The following MID2 variants were observed in gnomAD, a reference collection of about 807,000 sequenced individuals.
MID2 encodes the protein probable E3 ubiquitin-protein ligase MID2.
A neutral mutation model predicts 46.1 loss-of-function variants in MID2; 13 were observed. That is an observed-to-expected ratio of 0.28 (90% confidence interval 0.18 to 0.45). The LOEUF (loss-of-function observed/expected upper bound fraction) is 0.45. Among genes scored for constraint, MID2 ranks in the 20% least tolerant of loss-of-function variants. MID2 has a pLI of 1.00. For missense variants in MID2, 431 were observed against 575.4 expected, an observed-to-expected ratio of 0.75 and a Z score of 2.57; for synonymous variants, 199 against 212.3, an observed-to-expected ratio of 0.94 and a Z score of 0.55.
chrX:107,835,877 T>C (rs1439448541), intron 1 of MID2, among the ~76,000 whole-genome samples: 1 of 112,453 alleles, frequency 8.9e-6, no homozygotes, highest in African/African-American at 3.2e-5. Flanking sequence ...GTACCATTTA[T>C]GTATATTTTC....
intron 3 of MID2, among the ~76,000 whole-genome samples, chrX:107,900,513 T>C (rs1435194986): frequency 1.8e-5 from 2 of 111,174 alleles, no homozygotes; most frequent in Non-Finnish European, 3.8e-5. Context: ...AGTCCTCAGG[T>C]TTACTATTAC....
intron 5 of MID2, among the ~76,000 whole-genome samples, chrX:107,915,467 A>T: frequency 9.1e-6 from 1 of 109,560 alleles, no homozygotes; most frequent in Non-Finnish European, 1.9e-5. Flanking sequence ...AATTGCTTGA[A>T]CCTGGAAGGG....
intron 3 of MID2, among the ~76,000 whole-genome samples, chrX:107,873,191 T>A (rs950978885): frequency 9.0e-6 from 1 of 111,547 alleles, no homozygotes; most frequent in African/African-American, 3.3e-5. Context: ...TCAGAGACTT[T>A]CTCCGTCTGA....
rs762864763 is a variant in MID2, at chrX:107,828,268, A to T, written c.4+1838A>T. On this transcript the variant is annotated intron_variant, in intron 1 of 9. Transcript: ENST00000262843. ...TTCCTGTACAGCCTGCAGAACCATG[A>T]CCCAATTAAACCTCTTTTCTTTTCT... 2.5e-4 allele frequency among the ~76,000 whole-genome samples: 26 copies of T among 105,286 alleles called. No homozygotes were observed. The South Asian group carries it at 0.011, about 44-fold the overall frequency. The allele number at this position is 105,286 out of a possible 115,157, so 91.4% of individuals were successfully genotyped here. A position where few individuals can be genotyped will look rare whatever the true frequency, so the allele number is the denominator to read the frequency against.
At chrX:107,865,917 G>A (rs1931946045) in intron 3 of MID2, among the ~76,000 whole-genome samples, 1 of 112,806 alleles carries the variant, frequency 8.9e-6, no homozygotes, top group East Asian at 2.8e-4. Context: ...GCAGGTTTAC[G>A]AATGTCCAAA....
intron 3 of MID2, among the ~76,000 whole-genome samples, chrX:107,859,561 A>G (rs1931814669): frequency 8.9e-6 from 1 of 112,362 alleles, no homozygotes; most frequent in Non-Finnish European, 1.9e-5. Context: ...CTCAAGGAAC[A>G]CACAGACTGG....
intron 3 of MID2, 112 bp from the exon 4 acceptor site, chrX:107,903,846 T>C: frequency 3.9e-6 from 2 of 514,357 alleles, no homozygotes; most frequent in Non-Finnish European, 7.0e-6. Flanking sequence ...GTGGATCTTA[T>C]GAGGGAGGTA....
chrX:107,847,258 C>T (rs1931509867), intron 2 of MID2, among the ~76,000 whole-genome samples: 1 of 111,986 alleles, frequency 8.9e-6, no homozygotes, highest in Non-Finnish European at 1.9e-5. Context: ...GGCACAATCC[C>T]AGTCCTAAAG....
chrX:107,863,904 G>T (rs779811535), intron 3 of MID2, among the ~76,000 whole-genome samples: 25 of 112,145 alleles, frequency 2.2e-4, no homozygotes, highest in Non-Finnish European at 4.3e-4. Context: ...TTTGTTCTGG[G>T]CACTGTGCTA....
intron 8 of MID2, among the ~76,000 whole-genome samples, chrX:107,924,946 C>T (rs772458333): frequency 8.9e-6 from 1 of 112,336 alleles, no homozygotes; most frequent in African/African-American, 3.2e-5. Context: ...CTCACACATA[C>T]ACATAGGAAG....
At position 107,928,481 on chromosome X, in the gene MID2, G is replaced by A. The variant is rs1007623596; in HGVS notation, c.*1408G>A. Among the ~76,000 whole-genome samples, 1 of 110,703 alleles carries A rather than the reference G, an allele frequency of 9.0e-6. No homozygotes were observed. Among genetic ancestry groups the A allele is most frequent in the Non-Finnish European group, 1.9e-5 (1 of 52,825 alleles). On this transcript the variant is annotated 3_prime_UTR_variant, in exon 10 of 10. Coordinates refer to ENST00000262843, the MANE Select transcript of MID2 (RefSeq NM_012216.4). ...CTTTCCCCTTTCCAGGAGCTAAGTT[G>A]GCTTCGGAAGTCTTCTGGGATTTGT...
At chrX:107,837,504 A>G (rs1360556862) in intron 1 of MID2, among the ~76,000 whole-genome samples, 2 of 108,235 alleles carry the variant, frequency 1.8e-5, no homozygotes, top group Admixed American at 9.9e-5. Context: ...AGAGAGACAG[A>G]GAGAGATAAA....
chrX:107,869,882 T>C (rs182765561), intron 3 of MID2, among the ~76,000 whole-genome samples: 128 of 111,168 alleles, frequency 1.2e-3, no homozygotes, highest in African/African-American at 3.9e-3. Flanking sequence ...TTATATCTCC[T>C]TTACCAATAT....
chrX:107,853,398 C>T (rs1931673399), intron 2 of MID2, among the ~76,000 whole-genome samples: 1 of 111,289 alleles, frequency 9.0e-6, no homozygotes, highest in South Asian at 3.9e-4. Flanking sequence ...CTCCTGGGGT[C>T]AAGTGATCCT....
chrX:107,915,673 C>T (rs73533462), intron 5 of MID2, among the ~76,000 whole-genome samples: 2 of 111,416 alleles, frequency 1.8e-5, no homozygotes, highest in Admixed American at 9.5e-5. Context: ...TTTTACCAAA[C>T]CTTTAAAGGT....
chrX:107,911,319 G>C (rs1340824823), intron 5 of MID2, among the ~76,000 whole-genome samples: 1 of 111,326 alleles, frequency 9.0e-6, no homozygotes, highest in Non-Finnish European at 1.9e-5. Context: ...TTAGTGAACT[G>C]TTGGACATCC....
chrX:107,911,014 C>G (rs1055364941), intron 5 of MID2, among the ~76,000 whole-genome samples: 1 of 104,051 alleles, frequency 9.6e-6, no homozygotes, highest in Non-Finnish European at 2.0e-5. Context: ...CCATTACGCC[C>G]GGCTAATTTT....
At chrX:107,923,458 A>G (rs912948904) in intron 7 of MID2, among the ~76,000 whole-genome samples, 1 of 112,150 alleles carries the variant, frequency 8.9e-6, no homozygotes, top group Non-Finnish European at 1.9e-5. Context: ...GCAGAAGCCT[A>G]GTTCTCTGAT....
intron 3 of MID2, among the ~76,000 whole-genome samples, chrX:107,861,675 C>T (rs1020560741): frequency 2.8e-4 from 32 of 112,367 alleles, no homozygotes; most frequent in Admixed American, 9.4e-4. Context: ...AGTTTGATCA[C>T]GAAGGTGAAG....
Sources: gnomAD v4.1 joint callset for allele counts (sites outside exome capture counted in the v4.1 genomes callset) on GRCh38, gnomAD v4.1.1 for gene constraint, MANE v1.5 for transcripts, NCBI Gene and HGNC (gene_info 2026-07-23, HGNC 2026-07-21) for gene names.